Variants in EMC1 observed in about 807,000 individuals in gnomAD.
The protein encoded by EMC1 is ER membrane protein complex subunit 1, also known as KIAA0090.
A neutral mutation model predicts 128.8 loss-of-function variants in EMC1; 103 were observed. The observed-to-expected ratio is 0.80, with a 90% confidence interval of 0.68 to 0.94. The LOEUF (loss-of-function observed/expected upper bound fraction) is 0.94, where lower values mean the gene tolerates loss of function less well. EMC1 is among the 40% of genes least tolerant of loss of function. The probability of loss-of-function intolerance (pLI) is 0.00; values close to 1 mark genes in which losing one functional copy is unlikely to be tolerated. For missense variants in EMC1, 1,083 were observed against 1,250.6 expected, an observed-to-expected ratio of 0.87 and a Z score of 2.02; for synonymous variants, 442 against 490.4, an observed-to-expected ratio of 0.90 and a Z score of 1.30.
intron 4 of EMC1, among the ~76,000 whole-genome samples, chr1:19,243,081 C>T (rs2093615589): frequency 6.6e-6 from 1 of 152,026 alleles, no homozygotes; most frequent in South Asian, 2.1e-4. Context: ...ACTAATAATA[C>T]AAAAATTAGC....
intron 18 of EMC1, 31 bp from the exon 19 acceptor site, chr1:19,223,600 C>G: frequency 6.2e-7 from 1 of 1,605,530 alleles, no homozygotes; most frequent in Non-Finnish European, 8.5e-7. Flanking sequence ...TCCCTTAGAA[C>G]CACGACGACT....
intron 1 of EMC1, among the ~76,000 whole-genome samples, chr1:19,247,092 C>A (rs956026611): frequency 6.6e-6 from 1 of 152,218 alleles, no homozygotes; most frequent in Non-Finnish European, 1.5e-5. Context: ...ATGCCTTGAT[C>A]TTGAATTTCC....
At chr1:19,233,272 A>G (rs1312791340) in intron 13 of EMC1, 137 bp from the exon 14 acceptor site, 1 of 737,916 alleles carries the variant, frequency 1.4e-6, no homozygotes, top group Non-Finnish European at 2.2e-6. Flanking sequence ...CCCAAAGGGC[A>G]GTCCTGTATC....
chr1:19,233,392 G>C (rs556419410), intron 13 of EMC1, among the ~76,000 whole-genome samples: 44 of 152,336 alleles, frequency 2.9e-4, no homozygotes, highest in African/African-American at 1.0e-3. Flanking sequence ...AGGAGACTAA[G>C]AGGTCAGGGA....
chr1:19,217,723 C>A lies in EMC1; in HGVS notation c.*1580G>T, dbSNP rs1042017068. 3.3e-5 allele frequency: 5 copies of A among 152,122 alleles called. No individual in the cohort carries two copies. The highest frequency in any genetic ancestry group is 1.5e-5 in the Non-Finnish European group (1 of 68,018). 9.4% of individuals were successfully genotyped at this position (152,122 alleles called of 1,614,324 possible). A position where few individuals can be genotyped will look rare whatever the true frequency, so the allele number is the denominator to read the frequency against. On this transcript the variant is annotated 3_prime_UTR_variant, in exon 23 of 23. Coordinates refer to ENST00000477853, the MANE Select transcript of EMC1 (RefSeq NM_015047.3). Reference sequence around the variant, plus strand: ...CAGCCAGGCTTTCTCAAAACTAGGGCAGAATTTTTTTTAACTTGTACTTAA... The same window carrying A: ...CAGCCAGGCTTTCTCAAAACTAGGGAAGAATTTTTTTTAACTTGTACTTAA...
At chr1:19,235,701 GAAATAAAATA>G (rs1212147012) in intron 12 of EMC1, among the ~76,000 whole-genome samples, 3 of 151,772 alleles carry the variant, frequency 2.0e-5, no homozygotes, top group East Asian at 1.9e-4. Flanking sequence ...ACTCCGTCTT[GAAATAAAATA>G]AAATAAAATA....
Position 19,230,875 on chromosome 1 carries a change from T to A in EMC1, c.2033A>T (p.Gln678Leu), listed in dbSNP as rs2093515930. 1.2e-6 allele frequency: 2 copies of A among 1,614,120 alleles called. No individual in the cohort carries two copies. Among genetic ancestry groups the A allele is most frequent in the Admixed American group, 1.7e-5 (1 of 60,010 alleles). ...AAGCCGATATCCACACAGCCGTCCC[T>A]GCTCTGCATCCACCAAATAGAAGAA... ...SIFFYLVDAEQGRLCGYRLRK... is the reference protein window; with the variant it reads ...SIFFYLVDAELGRLCGYRLRK... Residue 678 changes from glutamine (Q) to leucine (L), a missense_variant, in exon 17 of 23, where the codon CAG becomes CTG. By Grantham distance (113) the Gln-to-Leu change is moderately radical. Around this residue, in one of 3 missense-constraint regions of EMC1, gnomAD observed 527 missense variants for 644.1 expected, o/e 0.82. Coordinates refer to ENST00000477853, the MANE Select transcript of EMC1 (RefSeq NM_015047.3).
At chr1:19,227,222 T>C in intron 18 of EMC1, 91 bp downstream of exon 18, 1 of 1,435,426 alleles carries the variant, frequency 7.0e-7, no homozygotes, top group Non-Finnish European at 9.7e-7. Flanking sequence ...CTCAAGGTCA[T>C]ATATGTACCA....
intron 12 of EMC1, among the ~76,000 whole-genome samples, chr1:19,236,917 G>A (rs534457492): frequency 4.9e-5 from 7 of 143,094 alleles, no homozygotes; most frequent in African/African-American, 1.0e-4. Context: ...GCAGTGGGCC[G>A]AGATCATGCC....
chr1:19,238,199 AG>A, intron 10 of EMC1, 60 bp from the exon 11 acceptor site: 2 of 1,586,876 alleles, frequency 1.3e-6, no homozygotes, highest in East Asian at 2.3e-5. Flanking sequence ...AGCCCACCAA[AG>A]GAAGTCCAAG....
intron 2 of EMC1, chr1:19,244,664 A>T: frequency 2.6e-6 from 1 of 381,734 alleles, no homozygotes; most frequent in Non-Finnish European, 4.8e-6. Context: ...CTGGGCTTGC[A>T]GCAATATCTT....
At chr1:19,226,988 C>T (rs2093479586) in intron 18 of EMC1, among the ~76,000 whole-genome samples, 1 of 151,930 alleles carries the variant, frequency 6.6e-6, no homozygotes. Context: ...GACTGCATCA[C>T]TGCACTCCAG....
chr1:19,246,035 G>A lies in EMC1; in HGVS notation c.96-1005C>T, dbSNP rs540818688. Among the ~76,000 whole-genome samples, 170 of 151,402 alleles carry A rather than the reference G, an allele frequency of 1.1e-3. 2 individuals are homozygous for A. Among genetic ancestry groups the A allele is most frequent in the South Asian group, 5.0e-3 (24 of 4,776 alleles). On this transcript the variant is annotated intron_variant, in intron 1 of 22. Coordinates refer to ENST00000477853, the MANE Select transcript of EMC1 (RefSeq NM_015047.3). ...GATTAGGATCGCTTGAGCCCAGGAG[G>A]TCGAGGCTGCAGTGAGCCGAGATCA...
In EMC1 at chr1:19,235,184, G is replaced by C; in HGVS notation, c.1378C>G (p.Leu460Val). The change falls in exon 13 of 23, where the codon CTC becomes GTC. Residue 460 changes from leucine to valine, a missense_variant. By Grantham distance (32) the Leu-to-Val change is conservative. Around this residue, in one of 3 missense-constraint regions of EMC1, gnomAD observed 544 missense variants for 572.4 expected, o/e 0.95. Coordinates refer to ENST00000477853, the MANE Select transcript of EMC1 (RefSeq NM_015047.3). ...TCGGCCTGTGCCCCAGTCAGGGGGAGGTCCACCATCTCTAGGCACACCACT... is the reference window on the plus strand; with the variant it reads ...TCGGCCTGTGCCCCAGTCAGGGGGACGTCCACCATCTCTAGGCACACCACT... ...AEVVCLEMVD[L>V]PLTGAQAELE... 1 of 1,614,016 alleles carries C rather than the reference G, an allele frequency of 6.2e-7. No homozygotes were observed. The highest frequency in any genetic ancestry group is 1.1e-5 in the South Asian group (1 of 91,026).
intron 15 of EMC1, 66 bp downstream of exon 15, chr1:19,232,558 A>AT: frequency 6.3e-7 from 1 of 1,588,748 alleles, no homozygotes; most frequent in South Asian, 1.1e-5. Flanking sequence ...CCTAGGAGCA[A>AT]TTTAAGTTAC....
chr1:19,231,012 C>G (rs1421890449), intron 16 of EMC1, 49 bp from the exon 17 acceptor site: 3 of 1,607,874 alleles, frequency 1.9e-6, no homozygotes, highest in East Asian at 2.2e-5. Context: ...ATTTCCCCAT[C>G]AAAGAGAGCC....
intron 4 of EMC1, among the ~76,000 whole-genome samples, chr1:19,242,873 C>T (rs1257199535): frequency 2.0e-5 from 3 of 152,210 alleles, no homozygotes; most frequent in East Asian, 3.9e-4. Context: ...TCGCCTGGGG[C>T]TCAGCACGTG....
At chr1:19,229,230 CTG>C (rs2093502024) in intron 17 of EMC1, 2 of 152,294 alleles carry the variant, frequency 1.3e-5, no homozygotes, top group Admixed American at 1.3e-4. Context: ...GTTCACCTCT[CTG>C]TATCAATGGA....
At chr1:19,228,730 A>G (rs1001436130) in intron 17 of EMC1, among the ~76,000 whole-genome samples, 2 of 152,188 alleles carry the variant, frequency 1.3e-5, no homozygotes, top group Non-Finnish European at 2.9e-5. Flanking sequence ...AAGAATAAAT[A>G]TAGGTCAATT....
Sources: allele counts gnomAD v4.1 joint callset (sites outside exome capture counted in the v4.1 genomes callset), GRCh38; gene constraint gnomAD v4.1.1; regional missense constraint gnomAD v4.1.1; transcripts MANE v1.5; gene names NCBI Gene and HGNC (gene_info 2026-07-23, HGNC 2026-07-21).